The following CLOCK variants were observed in gnomAD, a reference collection of about 807,000 sequenced individuals.
CLOCK encodes clock circadian regulator, also known as circadian locomoter output cycles protein kaput.
CLOCK carries 43 observed loss-of-function variants against 118.4 expected under a neutral mutation model. The observed-to-expected ratio is 0.36, with a 90% confidence interval of 0.28 to 0.47. CLOCK has a LOEUF of 0.47. Among genes scored for constraint, CLOCK ranks in the 20% least tolerant of loss-of-function variants. CLOCK has a pLI of 1.00. For synonymous variants in CLOCK, 326 were observed against 339.2 expected (o/e 0.96, Z 0.43); for missense variants, 846 against 999.9 (o/e 0.85, Z 2.08).
intron 8 of CLOCK, among the ~76,000 whole-genome samples, chr4:55,469,862 C>T (rs964888067): frequency 1.3e-5 from 2 of 151,998 alleles, no homozygotes; most frequent in Non-Finnish European, 1.5e-5. Flanking sequence ...GTGCATACCA[C>T]GACACTTGGC....
At chr4:55,451,573 C>T (rs992830599) in intron 15 of CLOCK, among the ~76,000 whole-genome samples, 7 of 152,148 alleles carry the variant, frequency 4.6e-5, no homozygotes, top group African/African-American at 1.7e-4. Context: ...GATCATGATG[C>T]TGGCAGTAAA....
At chr4:55,539,061 T>A (rs759596956) in intron 1 of CLOCK, among the ~76,000 whole-genome samples, 1 of 151,552 alleles carries the variant, frequency 6.6e-6, no homozygotes, top group Non-Finnish European at 1.5e-5. Context: ...GGCAAAATCC[T>A]ATCTCTACTA....
At chr4:55,515,387 T>G (rs548709225) in intron 1 of CLOCK, among the ~76,000 whole-genome samples, 118 of 152,280 alleles carry the variant, frequency 7.7e-4, no homozygotes, top group Non-Finnish European at 1.4e-3. Context: ...CTGTTTTGTT[T>G]GTTTTGAGAT....
chr4:55,483,097 C>T (rs1030558818), intron 3 of CLOCK, among the ~76,000 whole-genome samples: 1 of 152,100 alleles, frequency 6.6e-6, no homozygotes, highest in Non-Finnish European at 1.5e-5. Flanking sequence ...TGGACATTCT[C>T]AATATTCAGT....
intron 1 of CLOCK, among the ~76,000 whole-genome samples, chr4:55,541,778 G>A (rs1260787616): frequency 1.3e-5 from 2 of 151,966 alleles, no homozygotes; most frequent in South Asian, 2.1e-4. Context: ...GTTCTTTCCA[G>A]CGGGAAAGCT....
intron 7 of CLOCK, among the ~76,000 whole-genome samples, chr4:55,474,876 A>G (rs922855437): frequency 7.2e-5 from 11 of 152,246 alleles, no homozygotes; most frequent in Admixed American, 2.0e-4. Context: ...TTGGTAGCCC[A>G]AGAGTGCTGA....
intron 18 of CLOCK, among the ~76,000 whole-genome samples, chr4:55,445,925 C>T (rs1482835628): frequency 6.6e-6 from 1 of 151,754 alleles, no homozygotes; most frequent in Non-Finnish European, 1.5e-5. Context: ...GTTCTCTTTA[C>T]TTCTTTTAGG....
At position 55,459,170 on chromosome 4, in the gene CLOCK, T is replaced by G. The variant is rs751944691; in HGVS notation, c.651A>C (p.Gly217=). 7 of 1,599,922 alleles carry G rather than the reference T, an allele frequency of 4.4e-6. No individual in the cohort carries two copies. The Admixed American group carries it at 1.2e-4, about 27-fold the overall frequency. ...PSTYEYVKFI[G]NFKSLNSVSS... is the part of the protein sequence containing the mutation. ...CACCACTGTTTAAAGATTTGAAATT[T>G]CCTATAAATTTTACATATTCATAGG... Residue 217 remains glycine, a synonymous_variant, in exon 10 of 23, where the codon GGA becomes GGC. Transcript: ENST00000513440.
intron 1 of CLOCK, among the ~76,000 whole-genome samples, chr4:55,510,508 T>C (rs1378791242): frequency 1.3e-5 from 2 of 151,444 alleles, no homozygotes; most frequent in African/African-American, 2.4e-5. Flanking sequence ...GCACCTATAA[T>C]CCCAGCTACT....
chr4:55,510,631 A>T (rs13120867), intron 1 of CLOCK, among the ~76,000 whole-genome samples: 4,353 of 73,432 alleles, frequency 0.059, 64 homozygotes, highest in Non-Finnish European at 0.097. Flanking sequence ...TGTCTTTTTA[A>T]AAAAAAAAAA....
At chr4:55,446,947 T>C (rs368387856) in intron 18 of CLOCK, among the ~76,000 whole-genome samples, 54 of 152,182 alleles carry the variant, frequency 3.5e-4, no homozygotes, top group African/African-American at 1.3e-3. Context: ...CACACAACTT[T>C]GATTTCAGAA....
At chr4:55,538,394 A>G (rs752918527) in intron 1 of CLOCK, among the ~76,000 whole-genome samples, 2 of 152,206 alleles carry the variant, frequency 1.3e-5, no homozygotes, top group African/African-American at 2.4e-5. Context: ...AGTCTATTAC[A>G]AGTCTATAAA....
At chr4:55,529,958 A>G (rs1560481079) in intron 1 of CLOCK, among the ~76,000 whole-genome samples, 1 of 152,272 alleles carries the variant, frequency 6.6e-6, no homozygotes, top group East Asian at 1.9e-4. Context: ...CAGAATAAAA[A>G]AGACAGAAAA....
chr4:55,444,271 T>C (rs896046285), intron 19 of CLOCK, among the ~76,000 whole-genome samples: 6 of 152,230 alleles, frequency 3.9e-5, no homozygotes, highest in African/African-American at 1.4e-4. Flanking sequence ...ATTTGAATCA[T>C]ACATACTGGT....
At chr4:55,453,877 T>C (rs891162540) in intron 13 of CLOCK, 53 bp from the exon 14 acceptor site, 10 of 1,360,910 alleles carry the variant, frequency 7.3e-6, no homozygotes, top group Non-Finnish European at 1.0e-5. Context: ...ATATAAAGAT[T>C]GTTTTTTAAC....
At chr4:55,489,261 T>C (rs914193229) in intron 3 of CLOCK, 113 bp downstream of exon 3, 1 of 152,320 alleles carries the variant, frequency 6.6e-6, no homozygotes. Context: ...CACACAAAAA[T>C]TTTTTTAAAT....
intron 1 of CLOCK, among the ~76,000 whole-genome samples, chr4:55,522,430 G>GT (rs1432766781): frequency 7.3e-5 from 11 of 150,618 alleles, no homozygotes; most frequent in Non-Finnish European, 1.0e-4. Context: ...TCCAAAGTTC[G>GT]TAACAAGATA....
At chr4:55,508,161 A>G (rs1728927688) in intron 2 of CLOCK, among the ~76,000 whole-genome samples, 1 of 152,216 alleles carries the variant, frequency 6.6e-6, no homozygotes, top group African/African-American at 2.4e-5. Context: ...CCAAAGGGAC[A>G]GTGTACTTTC....
chr4:55,493,087 TTTTTC>T (rs2109958757), intron 2 of CLOCK, among the ~76,000 whole-genome samples: 1 of 152,252 alleles, frequency 6.6e-6, no homozygotes, highest in South Asian at 2.1e-4. Flanking sequence ...ATTTTTTTTC[TTTTTC>T]TTTTAATTGT....
Sources: gnomAD v4.1 joint callset for allele counts (sites outside exome capture counted in the v4.1 genomes callset) on GRCh38, gnomAD v4.1.1 for gene constraint, MANE v1.5 for transcripts, NCBI Gene and HGNC (gene_info 2026-07-23, HGNC 2026-07-21) for gene names.